Variants in UNKL observed in about 807,000 individuals in gnomAD.
The protein encoded by UNKL is putative E3 ubiquitin-protein ligase UNKL.
In UNKL, 60 loss-of-function variants were observed where a neutral mutation model predicts 78.0. The observed-to-expected ratio is 0.77, with a 90% CI of 0.63 to 0.95. The LOEUF is 0.95. Among genes scored for constraint, UNKL ranks in the 40% least tolerant of loss-of-function variants. The pLI is 0.00. For synonymous variants in UNKL, 608 were observed against 474.8 expected, an observed-to-expected ratio of 1.28 and a Z score of -3.65; for missense variants, 1,159 against 1,045.7, an observed-to-expected ratio of 1.11 and a Z score of -1.49.
chr16:1,395,600 C>A (rs762215869), intron 6 of UNKL: 5 of 439,062 alleles, frequency 1.1e-5, no homozygotes, highest in Non-Finnish European at 1.9e-5. Flanking sequence ...CAGGCTGCCC[C>A]TTCCGCCCCA....
Position 1,414,698 on chromosome 16 carries a change from T to C in UNKL, c.-7A>G. 2 of 1,133,986 alleles carry C rather than the reference T, an allele frequency of 1.8e-6. No homozygotes were observed. Among genetic ancestry groups the C allele is most frequent in the South Asian group, 2.3e-5 (1 of 43,788 alleles). The allele number at this position is 1,133,986 out of a possible 1,614,324, so 70.2% of individuals were successfully genotyped here. On this transcript the variant is annotated 5_prime_UTR_variant, in exon 1 of 15. Coordinates refer to ENST00000389221, the MANE Select transcript of UNKL (RefSeq NM_001372107.1). ...CTTTCGAAACCGACGGCATTTTCAGTCAAAACAATGCAGCGCGCATGCGCC... is the reference window on the plus strand; with the variant it reads ...CTTTCGAAACCGACGGCATTTTCAGCCAAAACAATGCAGCGCGCATGCGCC...
chr16:1,401,343 C>T (rs892870592), intron 4 of UNKL: 77 of 456,024 alleles, frequency 1.7e-4, no homozygotes, highest in South Asian at 1.5e-3. Context: ...TGCCAGTTGC[C>T]GCAGAGATTC....
At chr16:1,392,862 G>A (rs181139622) in intron 8 of UNKL, 29 bp downstream of exon 8, 2 of 1,547,664 alleles carry the variant, frequency 1.3e-6, no homozygotes, top group Admixed American at 3.9e-5. Flanking sequence ...AGGACACTGG[G>A]CATTGTCCTG....
intron 12 of UNKL, chr16:1,369,878 G>C (rs937928907): frequency 3.7e-5 from 54 of 1,448,108 alleles, no homozygotes; most frequent in Non-Finnish European, 4.9e-5. Context: ...GGGTGGCTGA[G>C]GCAGGAGAAT....
rs750587810 is a variant in UNKL, at chr16:1,399,364, G to A, written c.734+10C>T. 1.3e-5 allele frequency: 20 copies of A among 1,576,458 alleles called. No individual in the cohort carries two copies. The highest frequency in any genetic ancestry group is 5.4e-5 in the African/African-American group (4 of 73,904). ...GCCGGAGTCCTCTGAGCACGGTCCC[G>A]CAGGCTCACCTGTACTGGAACCGCC... On this transcript the variant is annotated intron_variant, in intron 5 of 14. Coordinates refer to ENST00000389221, the MANE Select transcript of UNKL (RefSeq NM_001372107.1). This position sits in a 1 kb window ranked among gnomAD's most constrained non-coding sequence, Gnocchi z 5.8.
intron 10 of UNKL, among the ~76,000 whole-genome samples, chr16:1,375,107 C>T (rs920865971): frequency 2.6e-5 from 4 of 152,148 alleles, no homozygotes; most frequent in South Asian, 2.1e-4. Flanking sequence ...CGAGGCCTGG[C>T]GCTCGGCGGT....
chr16:1,404,983 T>A (rs1249135946), intron 2 of UNKL, among the ~76,000 whole-genome samples: 1 of 152,040 alleles, frequency 6.6e-6, no homozygotes, highest in Non-Finnish European at 1.5e-5. Context: ...TGCTTGAGGC[T>A]AGGGGTTCAA....
chr16:1,370,333 G>A lies in UNKL; in HGVS notation c.1382C>T (p.Ala461Val), dbSNP rs2035699915. 6.5e-7 allele frequency: 1 copy of A among 1,532,986 alleles called. No individual in the cohort carries two copies. The allele number at this position is 1,532,986 out of a possible 1,614,324, so 95.0% of individuals were successfully genotyped here. The change falls in exon 12 of 15, where the codon GCA (alanine) becomes GTA (valine). Residue 461 changes from alanine (A) to valine (V), a missense_variant. Coordinates refer to ENST00000389221, the MANE Select transcript of UNKL (RefSeq NM_001372107.1). ...AAGPRSLAGSAPVAIPGSLPR... is the reference protein window; with the variant it reads ...AAGPRSLAGSVPVAIPGSLPR... ...CAGGGAGCCGGGGATGGCGACAGGT[G>A]CAGAGCCGGCCAGCGACCTGGGACC...
At chr16:1,394,089 G>A (rs1249706036) in intron 7 of UNKL, 42 bp downstream of exon 7, 12 of 1,537,746 alleles carry the variant, frequency 7.8e-6, no homozygotes, top group East Asian at 4.9e-5. Context: ...GCAGAGCCGC[G>A]GAACCTGCTA....
chr16:1,397,328 G>A, intron 5 of UNKL, 33 bp from the exon 6 acceptor site: 2 of 570,114 alleles, frequency 3.5e-6, no homozygotes, highest in South Asian at 3.3e-5. Context: ...GGGACACAGA[G>A]GACTTGGCTC....
At chr16:1,381,665 A>G (rs2036612235) in intron 10 of UNKL, among the ~76,000 whole-genome samples, 1 of 152,226 alleles carries the variant, frequency 6.6e-6, no homozygotes, top group Non-Finnish European at 1.5e-5. Flanking sequence ...GCCACTGTGT[A>G]GACTTCATCC....
At chr16:1,408,094 G>C (rs1187846240) in intron 2 of UNKL, among the ~76,000 whole-genome samples, 3 of 152,198 alleles carry the variant, frequency 2.0e-5, no homozygotes, top group Non-Finnish European at 4.4e-5. Flanking sequence ...GACAGAGCCA[G>C]ACCCTGGCTC....
At chr16:1,407,432 G>C (rs999310678) in intron 2 of UNKL, 9 of 152,262 alleles carry the variant, frequency 5.9e-5, no homozygotes, top group African/African-American at 2.2e-4. Context: ...GACAGAGGCC[G>C]GGCGCAGTGG....
rs778839237 is a variant in UNKL at position 1,367,897 on chromosome 16, TG to T, written c.1586-40del. 25 of 1,506,096 alleles carry T rather than the reference TG, an allele frequency of 1.7e-5. No individual in the cohort carries two copies. In the African/African-American group the frequency reaches 3.2e-4, roughly 19 times the overall value. The allele number at this position is 1,506,096 out of a possible 1,614,324, so 93.3% of individuals were successfully genotyped here. A position where few individuals can be genotyped will look rare whatever the true frequency, so the allele number is the denominator to read the frequency against. ...GGTCGATGACGGCCCAGCCCTGCTG[TG>T]CTCGCGGCCTGGTGGGATTGGTGGG... On this transcript the variant is annotated intron_variant, in intron 12 of 14. Transcript: ENST00000389221.
At chr16:1,370,473 G>C (rs1390231440) in intron 11 of UNKL, 116 bp from the exon 12 acceptor site, 2 of 1,441,510 alleles carry the variant, frequency 1.4e-6, no homozygotes, top group Admixed American at 2.7e-5. Flanking sequence ...GGGGATATGG[G>C]GGGTGGGAAT....
At chr16:1,396,826 CA>C (rs1482650681) in intron 6 of UNKL, among the ~76,000 whole-genome samples, 1 of 151,906 alleles carries the variant, frequency 6.6e-6, no homozygotes, top group African/African-American at 2.4e-5. Flanking sequence ...TCTCGTTATC[CA>C]GCTGCCTCAG....
At chr16:1,383,511 C>T (rs920547848) in intron 10 of UNKL, 5 of 260,048 alleles carry the variant, frequency 1.9e-5, no homozygotes, top group African/African-American at 6.6e-5. Context: ...TGGCTTTCCT[C>T]GCAGACACCA....
At position 1,397,197 on chromosome 16, in the gene UNKL, T is replaced by C. The variant is rs748953422; in HGVS notation, c.833A>G (p.Glu278Gly). ...ACGTACCTCGGGATGGAACTGCTGC[T>C]CCGTGCGGGAGTGGCAATACTGGCA... ...DGCQYCHSRT[E>G]QQFHPEIYKS... Residue 278 changes from glutamate (E) to glycine (G), a missense_variant, in exon 6 of 15, where the codon GAG (glutamate) becomes GGG (glycine). Physicochemically the swap from Glu to Gly is moderately conservative, Grantham distance 98 (BLOSUM62 -2). Transcript: ENST00000389221. 6.5e-7 allele frequency: 1 copy of C among 1,547,388 alleles called. No individual in the cohort carries two copies. The highest frequency in any genetic ancestry group is 1.2e-5 in the South Asian group (1 of 83,998).
intron 10 of UNKL, among the ~76,000 whole-genome samples, chr16:1,384,939 G>C (rs922845870): frequency 5.3e-5 from 8 of 152,120 alleles, no homozygotes; most frequent in African/African-American, 1.4e-4. Context: ...TCCCTGAGCC[G>C]GACGGCGCCT....
Sources: gnomAD v4.1 joint callset for allele counts (sites outside exome capture counted in the v4.1 genomes callset) on GRCh38, gnomAD v4.1.1 for gene constraint, Gnocchi (gnomAD v3.1) non-coding constraint, MANE v1.5 for transcripts, NCBI Gene and HGNC (gene_info 2026-07-23, HGNC 2026-07-21) for gene names.